The following TMEM65 variants were observed in gnomAD, a reference collection of about 807,000 sequenced individuals.
TMEM65 encodes the protein transmembrane protein 65.
TMEM65 carries 22 observed loss-of-function variants against 25.4 expected under a neutral mutation model. The ratio of observed to expected loss-of-function variants is 0.86; its 90% CI spans 0.62 to 1.23. The LOEUF (loss-of-function observed/expected upper bound fraction) is 1.23, where lower values mean the gene tolerates loss of function less well. Ranked by LOEUF, TMEM65 falls within the 50% of genes most tolerant of loss-of-function variation. The pLI is 0.00. For synonymous variants in TMEM65, 132 were observed against 126.2 expected (o/e 1.05, Z -0.31); for missense variants, 262 against 308.2 (o/e 0.85, Z 1.12).
rs199590837 is a variant in TMEM65 at position 124,330,744 on chromosome 8, T to A, written c.349+4A>T. The A allele has an allele frequency of 6.3e-7, 1 of 1,591,706 alleles. No individual in the cohort carries two copies. Among genetic ancestry groups the A allele is most frequent in the East Asian group, 2.3e-5 (1 of 42,956 alleles). On this transcript the variant is annotated splice_donor_region_variant and intron_variant, in intron 2 of 6. Transcript: ENST00000297632. The stretch of plus-strand genomic sequence containing the variant: ...CATATATTTAACAATTATAGAACCA[T>A]TACCATATCTCAGCTGTCCTGGGGT...
At chr8:124,339,009 T>TA (rs1321717006) in intron 1 of TMEM65, among the ~76,000 whole-genome samples, 1 of 151,056 alleles carries the variant, frequency 6.6e-6, no homozygotes, top group Non-Finnish European at 1.5e-5. Context: ...GCCAATATGG[T>TA]GAAACCCCGT....
rs191024014 is a variant in TMEM65, at chr8:124,314,989, A to G, written c.622-928T>C. On this transcript the variant is annotated intron_variant, in intron 6 of 6. Transcript: ENST00000297632. ...ACACCCAGATCATTATAAAAATTTA[A>G]AATTGTTATTTTTGTAAATGGTTTT... 4.4e-3 allele frequency among the ~76,000 whole-genome samples: 663 copies of G among 152,252 alleles called. 16 individuals are homozygous for G. The highest frequency in any genetic ancestry group is 0.036 in the Admixed American group (551 of 15,292).
chr8:124,372,325 C>A lies in TMEM65; in HGVS notation c.-168G>T. The stretch of plus-strand genomic sequence containing the variant: ...CGCGGGCCCGCGCGGCTCTCGCCTC[C>A]TGTTCCGTCCCCACTTCCTTTCCAA... On this transcript the variant is annotated 5_prime_UTR_variant, in exon 1 of 7. It adds an upstream start codon to the 5' untranslated region. Coordinates refer to ENST00000297632, the MANE Select transcript of TMEM65 (RefSeq NM_194291.3). The A allele has an allele frequency of 2.2e-6, 1 of 449,284 alleles. No homozygotes were observed. Among genetic ancestry groups the A allele is most frequent in the East Asian group, 9.5e-5 (1 of 10,472 alleles). 27.8% of individuals were successfully genotyped at this position (449,284 alleles called of 1,614,324 possible).
rs139895172 is a variant in TMEM65, at chr8:124,325,280, C to T, written c.418-1905G>A. On this transcript the variant is annotated intron_variant, in intron 3 of 6. Transcript: ENST00000297632. The stretch of plus-strand genomic sequence containing the variant: ...CTGTCCCACAATGAGAGGGGTTGAT[C>T]AGTATTTTTTTAATTAAAAGATGAA... Among the ~76,000 whole-genome samples the T allele has an allele frequency of 2.5e-3, 373 of 151,992 alleles. 1 individual carries two copies. Among genetic ancestry groups the T allele is most frequent in the African/African-American group, 7.7e-3 (320 of 41,506 alleles).
At chr8:124,350,031 T>G (rs758405000) in intron 1 of TMEM65, among the ~76,000 whole-genome samples, 1 of 152,092 alleles carries the variant, frequency 6.6e-6, no homozygotes. Flanking sequence ...AACTTCTACA[T>G]GCAAACTAAG....
intron 1 of TMEM65, among the ~76,000 whole-genome samples, chr8:124,340,081 A>G (rs1814567173): frequency 6.6e-6 from 1 of 152,192 alleles, no homozygotes; most frequent in South Asian, 2.1e-4. Context: ...TACAGAAGGC[A>G]AGTAAAAACA....
chr8:124,371,781 G>A (rs1050161551), intron 1 of TMEM65, 73 bp downstream of exon 1: 17 of 1,412,704 alleles, frequency 1.2e-5, no homozygotes, highest in African/African-American at 1.5e-5. Context: ...GGGCCGCAGC[G>A]GGCTCCCGGT....
chr8:124,342,537 C>T lies in TMEM65; in HGVS notation c.305-11745G>A, dbSNP rs549398172. 2.0e-5 allele frequency among the ~76,000 whole-genome samples: 3 copies of T among 152,152 alleles called. No homozygotes were observed. The East Asian group carries it at 5.8e-4, about 29-fold the overall frequency. ...TCCAAGTCAAATTATCTATGATAACCTATATAATAAACAAGTGCTATGCAC... is the reference window on the plus strand; with the variant it reads ...TCCAAGTCAAATTATCTATGATAACTTATATAATAAACAAGTGCTATGCAC... On this transcript the variant is annotated intron_variant, in intron 1 of 6. Transcript: ENST00000297632.
In TMEM65 at chr8:124,310,713, T is replaced by A. The variant is rs1183160332; in HGVS notation, c.*3247A>T. The A allele has an allele frequency of 6.6e-6, 1 of 151,966 alleles. No homozygotes were observed. The highest frequency in any genetic ancestry group is 1.9e-4 in the East Asian group (1 of 5,190). 9.4% of individuals were successfully genotyped at this position (151,966 alleles called of 1,614,324 possible). A position where few individuals can be genotyped will look rare whatever the true frequency, so the allele number is the denominator to read the frequency against. On this transcript the variant is annotated 3_prime_UTR_variant, in exon 7 of 7. Coordinates refer to ENST00000297632, the MANE Select transcript of TMEM65 (RefSeq NM_194291.3). ...ATCATCATCATCATCTCAGTCAGGA[T>A]CCAAAGCCAATTTTTTAGTATTTCC...
At chr8:124,368,911 T>G (rs1814975097) in intron 1 of TMEM65, among the ~76,000 whole-genome samples, 1 of 152,216 alleles carries the variant, frequency 6.6e-6, no homozygotes, top group Non-Finnish European at 1.5e-5. Context: ...TATACCGCAA[T>G]GGATAACTAA....
chr8:124,336,453 C>T (rs1213780699), intron 1 of TMEM65, among the ~76,000 whole-genome samples: 1 of 151,870 alleles, frequency 6.6e-6, no homozygotes, highest in East Asian at 1.9e-4. Flanking sequence ...AGAACATATG[C>T]TGATCCACAA....
chr8:124,323,224 T>C, intron 4 of TMEM65, 97 bp downstream of exon 4: 1 of 668,332 alleles, frequency 1.5e-6, no homozygotes, highest in Middle Eastern at 2.9e-4. Flanking sequence ...TCTCAATGAG[T>C]AAACTCATTC....
chr8:124,371,802 G>A (rs1586478690), intron 1 of TMEM65, 52 bp downstream of exon 1: 1 of 1,471,688 alleles, frequency 6.8e-7, no homozygotes. Context: ...GGGCTGGCGA[G>A]AAGAGGAGGG....
intron 3 of TMEM65, 124 bp downstream of exon 3, chr8:124,327,230 G>C (rs1814375171): frequency 3.0e-6 from 2 of 667,752 alleles, no homozygotes; most frequent in Admixed American, 3.3e-5. Flanking sequence ...CTGAGATATA[G>C]TAAAAAATAT....
chr8:124,314,354 G>A (rs186572530), intron 6 of TMEM65, among the ~76,000 whole-genome samples: 5 of 152,220 alleles, frequency 3.3e-5, no homozygotes, highest in South Asian at 2.1e-4. Flanking sequence ...CTGAATTGAC[G>A]GGTCTATATT....
chr8:124,314,425 T>C (rs1385409614), intron 6 of TMEM65, among the ~76,000 whole-genome samples: 1 of 152,226 alleles, frequency 6.6e-6, no homozygotes, highest in African/African-American at 2.4e-5. Context: ...ATAAGTGAAA[T>C]AACAATAAGC....
intron 1 of TMEM65, among the ~76,000 whole-genome samples, chr8:124,347,919 T>C (rs1814658019): frequency 2.0e-5 from 3 of 151,796 alleles, no homozygotes; most frequent in African/African-American, 7.3e-5. Context: ...AGGCGGAGTT[T>C]TGCTCTTGCT....
At chr8:124,322,601 G>A (rs765524281) in intron 4 of TMEM65, among the ~76,000 whole-genome samples, 1 of 151,978 alleles carries the variant, frequency 6.6e-6, no homozygotes, top group Non-Finnish European at 1.5e-5. Context: ...AGTGGTAAAT[G>A]GGACAGAGAA....
At chr8:124,339,849 G>A (rs1814564485) in intron 1 of TMEM65, among the ~76,000 whole-genome samples, 1 of 147,552 alleles carries the variant, frequency 6.8e-6, no homozygotes. Context: ...CCCAGAACCT[G>A]TGTATTTTTG....
Sources: gnomAD v4.1 joint callset for allele counts (sites outside exome capture counted in the v4.1 genomes callset) on GRCh38, gnomAD v4.1.1 for gene constraint, MANE v1.5 for transcripts, NCBI Gene and HGNC (gene_info 2026-07-23, HGNC 2026-07-21) for gene names.